The following TTK variants were observed in gnomAD, a reference collection of about 807,000 sequenced individuals.
The protein encoded by TTK is dual specificity protein kinase TTK.
In TTK, 59 loss-of-function variants were observed where a neutral mutation model predicts 117.3. The observed-to-expected ratio is 0.50, with a 90% CI of 0.41 to 0.62. The LOEUF is 0.62. Among genes scored for constraint, TTK ranks in the 20% least tolerant of loss-of-function variants. The pLI, the probability that TTK is intolerant of heterozygous loss-of-function variation, is 0.00. For synonymous variants in TTK, 302 were observed against 325.0 expected (o/e 0.93, Z 0.76); for missense variants, 921 against 989.4 (o/e 0.93, Z 0.93).
intron 13 of TTK, among the ~76,000 whole-genome samples, chr6:80,030,373 C>T (rs1053910546): frequency 1.3e-5 from 2 of 152,148 alleles, no homozygotes; most frequent in East Asian, 1.9e-4. Flanking sequence ...CTGGGGAAGA[C>T]GCTGAGGTTC....
Position 80,010,976 on chromosome 6 carries a change from T to TA in TTK, c.613+21dup. The TA allele has an allele frequency of 6.2e-7, 1 of 1,601,896 alleles. No homozygotes were observed. Among genetic ancestry groups the TA allele is most frequent in the Admixed American group, 1.7e-5 (1 of 58,380 alleles). On this transcript the variant is annotated intron_variant, in intron 5 of 21. Transcript: ENST00000369798. ...TTATCAGGTAACTATTAAGGTATACTAATACTTTCTGTGGTAGGTAGTACT... is the reference window on the plus strand; with the variant it reads ...TTATCAGGTAACTATTAAGGTATACTAAATACTTTCTGTGGTAGGTAGTACT...
rs1582098606 is a variant in TTK at position 80,021,390 on chromosome 6, C to T, written c.1109-934C>T. ...ATTGCTCCACTTGTTGGAAACCAGG[C>T]GTACAGGCTGAGCCCCTCAAAACAC... On this transcript the variant is annotated intron_variant, in intron 10 of 21. Transcript: ENST00000369798. 1.3e-5 allele frequency among the ~76,000 whole-genome samples: 2 copies of T among 152,294 alleles called. 1 individual carries two copies. The highest frequency in any genetic ancestry group is 3.9e-4 in the East Asian group (2 of 5,166).
rs781074484 is a variant in TTK at position 80,010,816 on chromosome 6, A to G, written c.472A>G (p.Asn158Asp). 6.8e-6 allele frequency: 11 copies of G among 1,605,924 alleles called. No individual in the cohort carries two copies. The highest frequency in any genetic ancestry group is 1.3e-5 in the African/African-American group (1 of 74,542). ...ACAATTATCTTTTGCTTTGTTAGGTAATGTCAAAAAAAGTAAACAACTTCT... is the reference window on the plus strand; with the variant it reads ...ACAATTATCTTTTGCTTTGTTAGGTGATGTCAAAAAAAGTAAACAACTTCT... Reference protein sequence around the residue: ...SFAQFELSQGNVKKSKQLLQK... With the variant: ...SFAQFELSQGDVKKSKQLLQK... The change falls in exon 5 of 22, where the codon AAT becomes GAT. Residue 158 changes from asparagine (N) to aspartate (D), a missense_variant and splice_region_variant. Physicochemically the swap from Asn to Asp is conservative, Grantham distance 23 (BLOSUM62 1). Transcript: ENST00000369798.
intron 12 of TTK, among the ~76,000 whole-genome samples, 189 bp from the exon 13 acceptor site, chr6:80,027,696 G>T (rs1767642365): frequency 6.6e-6 from 1 of 152,028 alleles, no homozygotes; most frequent in South Asian, 2.1e-4. Context: ...CTTTCAGAAA[G>T]AATTCCCCAA....
intron 12 of TTK, among the ~76,000 whole-genome samples, chr6:80,027,503 G>A (rs2127678274): frequency 6.6e-6 from 1 of 152,150 alleles, no homozygotes; most frequent in East Asian, 1.9e-4. Context: ...CTCCTGTGAT[G>A]TAATTGGCTT....
At chr6:80,037,134 A>G (rs1767926043) in intron 17 of TTK, among the ~76,000 whole-genome samples, 1 of 152,202 alleles carries the variant, frequency 6.6e-6, no homozygotes, top group Non-Finnish European at 1.5e-5. Flanking sequence ...AAACTAAAGC[A>G]ATGGCACCAA....
chr6:80,019,515 G>A (rs111817737), intron 10 of TTK, among the ~76,000 whole-genome samples: 1 of 152,154 alleles, frequency 6.6e-6, no homozygotes, highest in African/African-American at 2.4e-5. Context: ...TCATTTACAT[G>A]CCCTGAGCTT....
At chr6:80,034,168 A>G (rs966026643) in intron 14 of TTK, among the ~76,000 whole-genome samples, 4 of 152,182 alleles carry the variant, frequency 2.6e-5, no homozygotes, top group African/African-American at 4.8e-5. Flanking sequence ...TGAAACTAAT[A>G]CCATTTATGC....
At chr6:80,011,580 A>C (rs367601396) in intron 6 of TTK, 32 bp downstream of exon 6, 1 of 1,574,814 alleles carries the variant, frequency 6.3e-7, no homozygotes, top group Non-Finnish European at 8.7e-7. Flanking sequence ...TTAAATGTTC[A>C]TCTTCTATGT....
intron 13 of TTK, among the ~76,000 whole-genome samples, chr6:80,029,423 CA>C (rs1461359639): frequency 6.6e-6 from 1 of 152,174 alleles, no homozygotes; most frequent in Non-Finnish European, 1.5e-5. Context: ...AGGATTGAAA[CA>C]ATATAATAAA....
At chr6:80,027,591 A>T (rs979397418) in intron 12 of TTK, among the ~76,000 whole-genome samples, 2 of 152,136 alleles carry the variant, frequency 1.3e-5, no homozygotes, top group Non-Finnish European at 2.9e-5. Flanking sequence ...CCACAAGCTG[A>T]TGTTTGCTAA....
intron 6 of TTK, 60 bp from the exon 7 acceptor site, chr6:80,011,669 A>G: frequency 6.3e-7 from 1 of 1,581,332 alleles, no homozygotes; most frequent in Non-Finnish European, 8.7e-7. Flanking sequence ...TTAGCAGTAG[A>G]GTAGAAATAC....
intron 4 of TTK, 106 bp downstream of exon 4, chr6:80,008,598 C>A: frequency 2.0e-6 from 2 of 996,200 alleles, no homozygotes; most frequent in Non-Finnish European, 2.8e-6. Context: ...AGGCAAAAGA[C>A]ATTAAAGTTG....
At position 80,027,994 on chromosome 6, in the gene TTK, C is replaced by T. The variant is rs773040133; in HGVS notation, c.1504C>T (p.Pro502Ser). The change falls in exon 13 of 22, where the codon CCA (proline) becomes TCA (serine). Residue 502 changes from proline to serine, a missense_variant. By Grantham distance (74) the Pro-to-Ser change is moderately conservative (BLOSUM62 -1). Transcript: ENST00000369798. ...QQQQHQILAT[P>S]LQNLQVLASS... ...GCAACAGCATCAAATACTTGCCACT[C>T]CACTTCAAAATTTACAGGTTCGATA... 1 of 1,602,400 alleles carries T rather than the reference C, an allele frequency of 6.2e-7. No homozygotes were observed. Among genetic ancestry groups the T allele is most frequent in the Non-Finnish European group, 8.5e-7 (1 of 1,173,844 alleles).
chr6:80,040,118 A>C, intron 19 of TTK, 78 bp from the exon 20 acceptor site: 2 of 1,158,146 alleles, frequency 1.7e-6, no homozygotes, highest in Non-Finnish European at 2.4e-6. Context: ...AATATAATGT[A>C]ATCTGGAAAA....
rs1375050572 is a variant in TTK at position 80,042,519 on chromosome 6, C to G, written c.*317C>G. On this transcript the variant is annotated 3_prime_UTR_variant, in exon 22 of 22. Coordinates refer to ENST00000369798, the MANE Select transcript of TTK (RefSeq NM_003318.5). ...ATAAAGTTTTGTGGCTAAAATGACA[C>G]TAACATTTCAAAGTTGTAAGGTTGT... The G allele has an allele frequency of 1.2e-5, 2 of 170,512 alleles. No homozygotes were observed. The highest frequency in any genetic ancestry group is 4.7e-5 in the African/African-American group (2 of 42,306). The allele number at this position is 170,512 out of a possible 1,614,324, so 10.6% of individuals were successfully genotyped here.
chr6:80,040,140 A>C, intron 19 of TTK, 56 bp from the exon 20 acceptor site: 4 of 1,327,848 alleles, frequency 3.0e-6, no homozygotes, highest in Non-Finnish European at 4.1e-6. Flanking sequence ...TACTTTATCA[A>C]TATCATATAT....
In TTK at chr6:80,037,974, C is replaced by CA; in HGVS notation, c.2058dup (p.Val687SerfsTer2). 1 of 1,604,720 alleles carries CA rather than the reference C, an allele frequency of 6.2e-7. No homozygotes were observed. The highest frequency in any genetic ancestry group is 8.5e-7 in the Non-Finnish European group (1 of 1,174,842). On this transcript the variant is annotated frameshift_variant, in exon 18 of 22. Transcript: ENST00000369798. LOFTEE classifies it high-confidence loss of function. Reference sequence around the variant, plus strand: ...CTCTGACTTGGCATATAGGTTGGCACAGTTAATTATATGCCACCAGAAGCA... The same window carrying CA: ...CTCTGACTTGGCATATAGGTTGGCACAAGTTAATTATATGCCACCAGAAGCA...
intron 10 of TTK, among the ~76,000 whole-genome samples, chr6:80,016,421 G>A (rs755410802): frequency 7.2e-5 from 11 of 152,178 alleles, no homozygotes; most frequent in South Asian, 2.1e-4. Flanking sequence ...TATCTACCTC[G>A]TTGTGGTTTT....
Sources: allele counts gnomAD v4.1 joint callset (sites outside exome capture counted in the v4.1 genomes callset), GRCh38; gene constraint gnomAD v4.1.1; transcripts MANE v1.5; gene names NCBI Gene and HGNC (gene_info 2026-07-23, HGNC 2026-07-21).